Variants in LRRIQ3 observed in about 807,000 individuals in gnomAD.
LRRIQ3 encodes leucine-rich repeat and IQ domain-containing protein 3.
LRRIQ3 carries 75 observed loss-of-function variants against 59.3 expected under a neutral mutation model. That is an observed-to-expected ratio of 1.26 (90% CI 1.05 to 1.53). The LOEUF (loss-of-function observed/expected upper bound fraction) is 1.53. LRRIQ3 is among the 40% of genes most tolerant of loss of function. The probability of loss-of-function intolerance (pLI) is 0.00; values close to 1 mark genes in which losing one functional copy is unlikely to be tolerated. For synonymous variants in LRRIQ3, 250 were observed against 231.3 expected (o/e 1.08, Z -0.73); for missense variants, 831 against 710.0 (o/e 1.17, Z -1.94).
chr1:74,198,166 G>A lies in LRRIQ3; in HGVS notation c.-171C>T. 2 of 1,521,262 alleles carry A rather than the reference G, an allele frequency of 1.3e-6. No individual in the cohort carries two copies. Among genetic ancestry groups the A allele is most frequent in the East Asian group, 2.3e-5 (1 of 43,690 alleles). 94.2% of individuals were successfully genotyped at this position (1,521,262 alleles called of 1,614,324 possible). Reference sequence around the variant, plus strand: ...TCCGGGCGCCAGCCAAGGCGCTCCGGGGGCGTGGTTACGTGGGCGACGCAC... The same window carrying A: ...TCCGGGCGCCAGCCAAGGCGCTCCGAGGGCGTGGTTACGTGGGCGACGCAC... On this transcript the variant is annotated 5_prime_UTR_variant, in exon 1 of 8. Transcript: ENST00000354431.
intron 3 of LRRIQ3, among the ~76,000 whole-genome samples, chr1:74,161,433 G>A (rs1490385924): frequency 2.0e-5 from 3 of 152,016 alleles, no homozygotes; most frequent in Non-Finnish European, 2.9e-5. Flanking sequence ...CTAGTTTCTA[G>A]TATAGATGTG....
intron 4 of LRRIQ3, among the ~76,000 whole-genome samples, chr1:74,151,643 T>C (rs867467591): frequency 3.7e-4 from 57 of 152,236 alleles, no homozygotes; most frequent in Middle Eastern, 3.4e-3. Flanking sequence ...AAAAAGTCTA[T>C]GGTAAGATCT....
In LRRIQ3 at chr1:74,074,725, TA is replaced by T; in HGVS notation, c.932del (p.Leu311TyrfsTer4). 6.9e-7 allele frequency: 1 copy of T among 1,459,306 alleles called. No individual in the cohort carries two copies. Among genetic ancestry groups the T allele is most frequent in the Non-Finnish European group, 9.3e-7 (1 of 1,080,914 alleles). 90.4% of individuals were successfully genotyped at this position (1,459,306 alleles called of 1,614,324 possible). A position where few individuals can be genotyped will look rare whatever the true frequency, so the allele number is the denominator to read the frequency against. ...CTAGATCTTTTGGTTTTAATTCACA[TA>T]AAATAGATGACACATGTTTTCTGTG... is the stretch of plus-strand genomic sequence containing the variant. ...SEHRKHVSSI[L>X]CELKPKDLGM... On this transcript the variant is annotated frameshift_variant, in exon 6 of 8. Transcript: ENST00000354431. LOFTEE classifies it high-confidence loss of function.
At chr1:74,117,691 A>G (rs1001286235) in intron 4 of LRRIQ3, among the ~76,000 whole-genome samples, 1 of 152,100 alleles carries the variant, frequency 6.6e-6, no homozygotes, top group Non-Finnish European at 1.5e-5. Flanking sequence ...ACTTAAACTC[A>G]GGAGGCAGAA....
chr1:74,055,092 A>G (rs1383106692), intron 6 of LRRIQ3, among the ~76,000 whole-genome samples: 3 of 148,080 alleles, frequency 2.0e-5, no homozygotes, highest in East Asian at 2.0e-4. Context: ...GCCACTTTTT[A>G]TCACAGAATA....
At chr1:74,050,509 T>C (rs1654339457) in intron 6 of LRRIQ3, 3 of 985,304 alleles carry the variant, frequency 3.0e-6, no homozygotes, top group Admixed American at 6.1e-5. Context: ...CAGAAGCCAA[T>C]ACCATTTGTG....
At chr1:74,156,138 A>T (rs1648311767) in intron 3 of LRRIQ3, among the ~76,000 whole-genome samples, 1 of 152,046 alleles carries the variant, frequency 6.6e-6, no homozygotes, top group East Asian at 1.9e-4. Flanking sequence ...CATCCCTTTG[A>T]TGATGAGTGA....
chr1:74,135,736 G>C (rs1226109933), intron 4 of LRRIQ3, among the ~76,000 whole-genome samples: 2 of 151,862 alleles, frequency 1.3e-5, no homozygotes, highest in African/African-American at 4.8e-5. Flanking sequence ...TGTAGCTAAA[G>C]CAGTGCTTAG....
intron 5 of LRRIQ3, among the ~76,000 whole-genome samples, chr1:74,098,389 C>T (rs1182890469): frequency 6.6e-6 from 1 of 152,080 alleles, no homozygotes; most frequent in Admixed American, 6.6e-5. Flanking sequence ...TACAGGAGCA[C>T]CCAGATTCAT....
intron 3 of LRRIQ3, among the ~76,000 whole-genome samples, chr1:74,158,887 T>A (rs1187557871): frequency 6.6e-6 from 1 of 152,222 alleles, no homozygotes; most frequent in Middle Eastern, 3.4e-3. Context: ...AATAAAATAT[T>A]TGTTAGCCCA....
At chr1:74,117,766 A>C (rs1646797679) in intron 4 of LRRIQ3, among the ~76,000 whole-genome samples, 1 of 152,174 alleles carries the variant, frequency 6.6e-6, no homozygotes, top group Non-Finnish European at 1.5e-5. Context: ...TTTGTCTCAA[A>C]ACAATAGTAA....
Position 74,069,101 on chromosome 1 carries a change from A to T in LRRIQ3, c.997+5560T>A, listed in dbSNP as rs1654948183. Among the ~76,000 whole-genome samples the T allele has an allele frequency of 2.0e-5, 3 of 152,066 alleles. 1 individual carries two copies. The highest frequency in any genetic ancestry group is 2.0e-4 in the Admixed American group (3 of 15,240). ...TGACCCTCAAATAATTAAACTTTTG[A>T]CCTTTTTGGCTGAATAGGAAGTAGC... On this transcript the variant is annotated intron_variant, in intron 6 of 7. Coordinates refer to ENST00000354431, the MANE Select transcript of LRRIQ3 (RefSeq NM_001105659.2).
At chr1:74,156,916 G>T (rs888479181) in intron 3 of LRRIQ3, among the ~76,000 whole-genome samples, 2 of 151,852 alleles carry the variant, frequency 1.3e-5, no homozygotes, top group African/African-American at 4.8e-5. Flanking sequence ...ACTGACAATT[G>T]CATTGTTCAT....
intron 6 of LRRIQ3, among the ~76,000 whole-genome samples, chr1:74,058,383 A>T (rs1397944407): frequency 6.6e-6 from 1 of 151,832 alleles, no homozygotes; most frequent in Admixed American, 6.6e-5. Context: ...AATATTATGC[A>T]GAAATAAAAT....
At chr1:74,098,221 C>A (rs7534577) in intron 5 of LRRIQ3, among the ~76,000 whole-genome samples, 50,164 of 151,792 alleles carry the variant, frequency 0.33, 9,943 homozygotes, top group East Asian at 0.77. Context: ...ATTTACCAAG[C>A]AAATAGAAAA....
intron 3 of LRRIQ3, among the ~76,000 whole-genome samples, chr1:74,156,653 T>C (rs2100670096): frequency 6.6e-6 from 1 of 152,288 alleles, no homozygotes; most frequent in East Asian, 1.9e-4. Context: ...TAAATAAAAT[T>C]GATATACTTT....
intron 4 of LRRIQ3, among the ~76,000 whole-genome samples, chr1:74,142,112 G>A (rs1647284958): frequency 6.6e-6 from 1 of 151,852 alleles, no homozygotes; most frequent in Non-Finnish European, 1.5e-5. Flanking sequence ...GAACGTGAGA[G>A]TGCAGGTATC....
At chr1:74,069,903 T>C (rs901232643) in intron 6 of LRRIQ3, among the ~76,000 whole-genome samples, 5 of 151,950 alleles carry the variant, frequency 3.3e-5, no homozygotes, top group Non-Finnish European at 5.9e-5. Flanking sequence ...ATTAAAGAAA[T>C]GCAAATCAAA....
chr1:74,171,914 G>A (rs1486397542), intron 3 of LRRIQ3, among the ~76,000 whole-genome samples: 3 of 152,052 alleles, frequency 2.0e-5, no homozygotes, highest in Admixed American at 2.0e-4. Context: ...CTTTGTTGGA[G>A]TATGTTTTAA....
Sources: gnomAD v4.1 joint callset for allele counts (sites outside exome capture counted in the v4.1 genomes callset) on GRCh38, gnomAD v4.1.1 for gene constraint, MANE v1.5 for transcripts, NCBI Gene and HGNC (gene_info 2026-07-23, HGNC 2026-07-21) for gene names.